LLGL2: variants seen among roughly 807,000 people sequenced by gnomAD.
The protein encoded by LLGL2 is LLGL2, scribble cell polarity complex component.
A neutral mutation model predicts 123.2 loss-of-function variants in LLGL2; 81 were observed. The ratio of observed to expected loss-of-function variants is 0.66; its 90% CI spans 0.55 to 0.79. The LOEUF is 0.79. Ranked by LOEUF, LLGL2 falls within the 30% of genes least tolerant of loss-of-function variation. The pLI, the probability that LLGL2 is intolerant of heterozygous loss-of-function variation, is 0.00. For synonymous variants in LLGL2, 577 were observed against 594.1 expected (o/e 0.97, Z 0.42); for missense variants, 1,273 against 1,414.6 (o/e 0.90, Z 1.61).
intron 8 of LLGL2, 118 bp downstream of exon 8, chr17:75,563,581 C>T (rs956793254): frequency 7.9e-6 from 12 of 1,517,968 alleles, no homozygotes; most frequent in Non-Finnish European, 1.1e-5. Flanking sequence ...TGTCCAAAGC[C>T]ACACAGCAGG....
In LLGL2 at chr17:75,563,041, C is replaced by T. The variant is rs758350570; in HGVS notation, c.556C>T (p.Arg186Cys). 8.7e-6 allele frequency: 14 copies of T among 1,612,584 alleles called. No individual in the cohort carries two copies. The highest frequency in any genetic ancestry group is 6.7e-5 in the East Asian group (3 of 44,900). The change falls in exon 7 of 26, where the codon CGT (arginine) becomes TGT (cysteine). Residue 186 changes from arginine to cysteine, a missense_variant. Coordinates refer to ENST00000392550, the MANE Select transcript of LLGL2 (RefSeq NM_001031803.2). The part of the protein sequence containing the change: ...QRLPEEARHR[R>C]VFEMVEALQE... ...GTTGCCAGAGGAGGCCCGCCACCGG[C>T]GTGTGTTCGAGATGGTGGAGGCACT...
intron 20 of LLGL2, 65 bp downstream of exon 20, chr17:75,573,343 G>C: frequency 2.6e-6 from 4 of 1,556,738 alleles, no homozygotes; most frequent in Non-Finnish European, 3.5e-6. Flanking sequence ...AGGGTGGCCA[G>C]GGGTGTTGTG....
chr17:75,557,012 G>A (rs1263621704), intron 3 of LLGL2, among the ~76,000 whole-genome samples: 1 of 148,942 alleles, frequency 6.7e-6, no homozygotes, highest in African/African-American at 2.5e-5. Flanking sequence ...CTGGGCAACA[G>A]AGTGAGACTC....
At position 75,558,025 on chromosome 17, in the gene LLGL2, C is replaced by G. The variant is rs745372373; in HGVS notation, c.174-130C>G. The G allele has an allele frequency of 1.1e-6, 1 of 880,238 alleles. No homozygotes were observed. Among genetic ancestry groups the G allele is most frequent in the Non-Finnish European group, 1.9e-6 (1 of 522,658 alleles). The allele number at this position is 880,238 out of a possible 1,614,324, so 54.5% of individuals were successfully genotyped here. On this transcript the variant is annotated intron_variant, in intron 3 of 25. Transcript: ENST00000392550. This position sits in a 1 kb window ranked among gnomAD's most constrained non-coding sequence, Gnocchi z 4.0. ...CCCACCCTAGGCTCCATGCATGGGT[C>G]CTGCTGCCTCGGGGGAGGGCAGCCC... is the stretch of plus-strand genomic sequence containing the variant.
intron 10 of LLGL2, chr17:75,567,968 C>A (rs2147510786): frequency 2.8e-5 from 18 of 650,238 alleles, no homozygotes; most frequent in African/African-American, 3.9e-5. Context: ...AAAAAAAAGA[C>A]AAATGGTTTA....
rs538530991 is a variant in LLGL2, at chr17:75,563,039, G to A, written c.554G>A (p.Arg185Gln). 1.6e-5 allele frequency: 26 copies of A among 1,612,630 alleles called. No homozygotes were observed. The highest frequency in any genetic ancestry group is 1.6e-4 in the Middle Eastern group (1 of 6,062). Reference protein sequence around the residue: ...LQRLPEEARHRRVFEMVEALQ... With the variant: ...LQRLPEEARHQRVFEMVEALQ... The stretch of plus-strand genomic sequence containing the variant: ...AGGTTGCCAGAGGAGGCCCGCCACC[G>A]GCGTGTGTTCGAGATGGTGGAGGCA... Residue 185 changes from arginine to glutamine, a missense_variant, in exon 7 of 26, where the codon CGG becomes CAG. Transcript: ENST00000392550.
At position 75,564,149 on chromosome 17, in the gene LLGL2, T is replaced by G. The variant is rs1326678124; in HGVS notation, c.882-204T>G. Among the ~76,000 whole-genome samples, 1 of 152,096 alleles carries G rather than the reference T, an allele frequency of 6.6e-6. No homozygotes were observed. Among genetic ancestry groups the G allele is most frequent in the Non-Finnish European group, 1.5e-5 (1 of 67,992 alleles). On this transcript the variant is annotated intron_variant, in intron 9 of 25. Coordinates refer to ENST00000392550, the MANE Select transcript of LLGL2 (RefSeq NM_001031803.2). The surrounding 1 kb of genome is among the most constrained non-coding windows in gnomAD (Gnocchi z 4.9). ...GGGGGCACCCAGCATGAGGCAGGAG[T>G]GGCTGCTGAGACTCAGAGCCCCCAG...
In LLGL2 at chr17:75,570,480, G is replaced by C. The variant is rs2305525; in HGVS notation, c.2007G>C (p.Pro669=). The part of the protein sequence containing the change: ...RSRVSSRKRH[P]AGPPGEAQEG... ...GGGTGTCCAGCCGGAAGCGGCACCCGGCTGGCCCCCCAGGAGAGGTGAGGC... is the reference window on the plus strand; with the variant it reads ...GGGTGTCCAGCCGGAAGCGGCACCCCGCTGGCCCCCCAGGAGAGGTGAGGC... The change falls in exon 16 of 26, where the codon CCG becomes CCC. Residue 669 remains proline (P), a synonymous_variant. Coordinates refer to ENST00000392550, the MANE Select transcript of LLGL2 (RefSeq NM_001031803.2). 3 of 1,577,446 alleles carry C rather than the reference G, an allele frequency of 1.9e-6. No homozygotes were observed. In the South Asian group the frequency reaches 3.5e-5, roughly 18 times the overall value.
rs1272657030 is a variant in LLGL2, at chr17:75,549,771, C to A, written c.75+6270C>A. 6.6e-6 allele frequency among the ~76,000 whole-genome samples: 1 copy of A among 152,184 alleles called. No individual in the cohort carries two copies. Among genetic ancestry groups the A allele is most frequent in the Admixed American group, 6.5e-5 (1 of 15,286 alleles). On this transcript the variant is annotated intron_variant, in intron 2 of 25. Coordinates refer to ENST00000392550, the MANE Select transcript of LLGL2 (RefSeq NM_001031803.2). The surrounding 1 kb of genome is among the most constrained non-coding windows in gnomAD (Gnocchi z 4.0). Reference sequence around the variant, plus strand: ...CCAGGGACTCCTCCTCAGGTCCTAGCCCTTGGGCAGGGTCCTCCCTGGCTG... The same window carrying A: ...CCAGGGACTCCTCCTCAGGTCCTAGACCTTGGGCAGGGTCCTCCCTGGCTG...
At chr17:75,533,299 C>CTTTTTTTTT (rs532813559) in intron 1 of LLGL2, among the ~76,000 whole-genome samples, 6 of 82,956 alleles carry the variant, frequency 7.2e-5, no homozygotes, top group Non-Finnish European at 1.2e-4. Context: ...GCACCTGGCC[C>CTTTTTTTTT]TTTTTTTTTT....
chr17:75,574,910 C>T lies in LLGL2; in HGVS notation c.*32C>T. 1 of 1,613,944 alleles carries T rather than the reference C, an allele frequency of 6.2e-7. No homozygotes were observed. Among genetic ancestry groups the T allele is most frequent in the African/African-American group, 1.3e-5 (1 of 75,066 alleles). The stretch of plus-strand genomic sequence containing the variant: ...GAGCGTCCAGGCTGCGCGATGAGCA[C>T]ACACTACTACTGATGGCCTTTCGGG... On this transcript the variant is annotated 3_prime_UTR_variant, in exon 26 of 26. Coordinates refer to ENST00000392550, the MANE Select transcript of LLGL2 (RefSeq NM_001031803.2).
At chr17:75,563,965 C>G (rs1349176771) in intron 9 of LLGL2, among the ~76,000 whole-genome samples, 159 bp downstream of exon 9, 1 of 152,198 alleles carries the variant, frequency 6.6e-6, no homozygotes, top group Non-Finnish European at 1.5e-5. Flanking sequence ...AGACGCTATT[C>G]ACGTCTCTCA....
chr17:75,574,237 A>G lies in LLGL2; in HGVS notation c.2930A>G (p.Glu977Gly). The G allele has an allele frequency of 7.4e-7, 1 of 1,350,574 alleles. No homozygotes were observed. Among genetic ancestry groups the G allele is most frequent in the South Asian group, 1.2e-5 (1 of 80,516 alleles). 83.7% of individuals were successfully genotyped at this position (1,350,574 alleles called of 1,614,324 possible). A position where few individuals can be genotyped will look rare whatever the true frequency, so the allele number is the denominator to read the frequency against. Reference protein sequence around the residue: ...GEEKQPGLVMERALLSDERVL... With the variant: ...GEEKQPGLVMGRALLSDERVL... ...GAGAAGCAGCCCGGCCTGGTGATGG[A>G]GCGCGCTCTGCTCAGTGATGAGAGT... The change falls in exon 23 of 26, where the codon GAG (glutamate) becomes GGG (glycine). Residue 977 changes from glutamate (E) to glycine (G), a missense_variant. By Grantham distance (98) the Glu-to-Gly change is moderately conservative. Coordinates refer to ENST00000392550, the MANE Select transcript of LLGL2 (RefSeq NM_001031803.2).
rs542318241 is a variant in LLGL2 at position 75,530,480 on chromosome 17, C to A, written c.-31+4655C>A. On this transcript the variant is annotated intron_variant, in intron 1 of 25. Transcript: ENST00000392550. ...CCTGGCTAGCACAGTGAAAACATGT[C>A]TCTACTAAAAATACAAAAAATTAGC... Among the ~76,000 whole-genome samples the A allele has an allele frequency of 2.6e-5, 4 of 152,176 alleles. No individual in the cohort carries two copies. In the East Asian group the frequency reaches 5.8e-4, roughly 22 times the overall value.
Position 75,571,775 on chromosome 17 carries a change from C to A in LLGL2, c.2285C>A (p.Ala762Glu), listed in dbSNP as rs771033746. 1 of 1,607,120 alleles carries A rather than the reference C, an allele frequency of 6.2e-7. No individual in the cohort carries two copies. The highest frequency in any genetic ancestry group is 1.7e-5 in the Admixed American group (1 of 60,020). ...CGGAGAATGGATGAGCCTGTGCGGGCAGAGCAGGGTGAGTGCTGGGCAGGG... is the reference window on the plus strand; with the variant it reads ...CGGAGAATGGATGAGCCTGTGCGGGAAGAGCAGGGTGAGTGCTGGGCAGGG... ...AERRMDEPVR[A>E]EQAKEIQLMH... The change falls in exon 18 of 26, where the codon GCA becomes GAA. Residue 762 changes from alanine (A) to glutamate (E), a missense_variant. Physicochemically the swap from Ala to Glu is moderately radical, Grantham distance 107. Coordinates refer to ENST00000392550, the MANE Select transcript of LLGL2 (RefSeq NM_001031803.2).
chr17:75,557,754 G>A (rs1261444671), intron 3 of LLGL2: 4 of 340,178 alleles, frequency 1.2e-5, no homozygotes, highest in African/African-American at 6.5e-5. Flanking sequence ...AATCCCTGGT[G>A]CCAAGACTAA....
Position 75,544,513 on chromosome 17 carries a change from C to T in LLGL2, c.75+1012C>T, listed in dbSNP as rs996379649. Among the ~76,000 whole-genome samples, 2 of 152,250 alleles carry T rather than the reference C, an allele frequency of 1.3e-5. No homozygotes were observed. The highest frequency in any genetic ancestry group is 2.9e-5 in the Non-Finnish European group (2 of 68,044). On this transcript the variant is annotated intron_variant, in intron 2 of 25. Coordinates refer to ENST00000392550, the MANE Select transcript of LLGL2 (RefSeq NM_001031803.2). This position sits in a 1 kb window ranked among gnomAD's most constrained non-coding sequence, Gnocchi z 4.2. Reference sequence around the variant, plus strand: ...CTGTAGAAGTCAGCTTGCCCAGGTGCAAACCCAACTTTGCCACATAGAAGC... The same window carrying T: ...CTGTAGAAGTCAGCTTGCCCAGGTGTAAACCCAACTTTGCCACATAGAAGC...
intron 2 of LLGL2, 35 bp downstream of exon 2, chr17:75,543,536 GT>G: frequency 1.3e-6 from 2 of 1,590,710 alleles, no homozygotes; most frequent in Non-Finnish European, 1.7e-6. Flanking sequence ...TGACCCCCAG[GT>G]TTTCGGCCAA....
rs2055365972 is a variant in LLGL2 at position 75,564,592 on chromosome 17, G to A, written c.1036+85G>A. On this transcript the variant is annotated intron_variant, in intron 10 of 25. Transcript: ENST00000392550. This position sits in a 1 kb window ranked among gnomAD's most constrained non-coding sequence, Gnocchi z 4.9. ...ATCAGTAAAGACAGGGCCAGGTGCAGTGGCTCCTGCCTGTAACCCCAGTGC... is the reference window on the plus strand; with the variant it reads ...ATCAGTAAAGACAGGGCCAGGTGCAATGGCTCCTGCCTGTAACCCCAGTGC... 1.3e-6 allele frequency: 2 copies of A among 1,576,132 alleles called. No individual in the cohort carries two copies. Among genetic ancestry groups the A allele is most frequent in the Non-Finnish European group, 1.7e-6 (2 of 1,156,252 alleles).
Sources: allele counts gnomAD v4.1 joint callset (sites outside exome capture counted in the v4.1 genomes callset), GRCh38; gene constraint gnomAD v4.1.1; non-coding constraint Gnocchi (gnomAD v3.1); transcripts MANE v1.5; gene names NCBI Gene and HGNC (gene_info 2026-07-23, HGNC 2026-07-21).